LARGE1: variants seen among roughly 807,000 people sequenced by gnomAD.
LARGE1 encodes xylosyl- and glucuronyltransferase LARGE1.
LARGE1 carries 43 observed loss-of-function variants against 87.6 expected under a neutral mutation model. That is an observed-to-expected ratio of 0.49 (90% CI 0.38 to 0.63). The LOEUF is 0.63. Ranked by LOEUF, LARGE1 falls within the 30% of genes least tolerant of loss-of-function variation. The pLI, the probability that LARGE1 is intolerant of heterozygous loss-of-function variation, is 0.00. For synonymous variants in LARGE1, 434 were observed against 394.6 expected (o/e 1.10, Z -1.18); for missense variants, 802 against 1,000.2 (o/e 0.80, Z 2.67).
chr22:33,111,589 A>C, the LARGE1 span, among the ~76,000 whole-genome samples: 1 of 152,110 alleles, frequency 6.6e-6, no homozygotes, highest in East Asian at 1.9e-4. Context: ...GTCCAGACTC[A>C]TTTATCTACT....
intron 1 of LARGE1, among the ~76,000 whole-genome samples, chr22:33,774,239 G>C (rs964437056): frequency 7.4e-6 from 1 of 135,738 alleles, no homozygotes; most frequent in African/African-American, 2.6e-5. Flanking sequence ...CTCTCATGAA[G>C]AATCAATAGG....
chr22:33,436,371 T>C (rs1044706466), intron 6 of LARGE1, among the ~76,000 whole-genome samples: 1 of 152,204 alleles, frequency 6.6e-6, no homozygotes, highest in Non-Finnish European at 1.5e-5. Context: ...TTGGAGGTCA[T>C]CCAGCACAAC....
chr22:33,636,733 T>C (rs1322572414), intron 3 of LARGE1, among the ~76,000 whole-genome samples: 1 of 151,764 alleles, frequency 6.6e-6, no homozygotes, highest in Non-Finnish European at 1.5e-5. Context: ...GGTCTCGCTA[T>C]GTTGCCCAGG....
chr22:33,078,799 G>A, the LARGE1 span, among the ~76,000 whole-genome samples: 4 of 152,308 alleles, frequency 2.6e-5, no homozygotes, highest in South Asian at 8.3e-4. Context: ...TTGTAATAAA[G>A]GCACAGAGGG....
chr22:33,487,783 T>C (rs1320846589), intron 6 of LARGE1, among the ~76,000 whole-genome samples: 1 of 152,184 alleles, frequency 6.6e-6, no homozygotes, highest in Non-Finnish European at 1.5e-5. Context: ...GTTCTGCTGC[T>C]CACTGACGGC....
At chr22:33,333,030 G>A (rs1427419095) in intron 10 of LARGE1, among the ~76,000 whole-genome samples, 2 of 116,856 alleles carry the variant, frequency 1.7e-5, no homozygotes, top group Admixed American at 1.5e-4. Flanking sequence ...TTTTTTGGAC[G>A]GAGTCTCACT....
chr22:33,682,671 C>T (rs545130845), intron 2 of LARGE1, among the ~76,000 whole-genome samples: 4 of 152,324 alleles, frequency 2.6e-5, no homozygotes, highest in African/African-American at 9.6e-5. Flanking sequence ...AAATCAGGAA[C>T]CATGAATCTT....
At chr22:33,120,390 CTTTCTTTCTTTCTTTCTTTCCTT>C in the LARGE1 span, among the ~76,000 whole-genome samples, 2 of 94,588 alleles carry the variant, frequency 2.1e-5, no homozygotes, top group African/African-American at 1.3e-4. Context: ...TTCTTTCTTT[CTTTCTTTCTTTCTTTCTTTCCTT>C]CTTTCTTTCT....
chr22:33,642,173 C>T (rs1199239443), intron 3 of LARGE1, among the ~76,000 whole-genome samples: 1 of 152,192 alleles, frequency 6.6e-6, no homozygotes, highest in African/African-American at 2.4e-5. Context: ...ATCACACTAA[C>T]AGCAGATCAA....
intron 1 of LARGE1, among the ~76,000 whole-genome samples, chr22:33,772,030 C>A (rs1006722287): frequency 6.6e-6 from 1 of 152,152 alleles, no homozygotes; most frequent in Non-Finnish European, 1.5e-5. Context: ...CATTCAAACT[C>A]CACTTGAAAT....
At chr22:33,197,394 A>AAATAAATTATAAAATAATTTGT (rs1924136531) in intron 11 of LARGE1, among the ~76,000 whole-genome samples, 1 of 152,020 alleles carries the variant, frequency 6.6e-6, no homozygotes, top group Non-Finnish European at 1.5e-5. Context: ...TATAAAATTC[A>AAATAAATTATAAAATAATTTGT]AATAAATTAT....
intron 2 of LARGE1, among the ~76,000 whole-genome samples, chr22:33,752,912 G>C (rs965460829): frequency 6.6e-6 from 1 of 152,164 alleles, no homozygotes; most frequent in Non-Finnish European, 1.5e-5. Context: ...GGATTTTCTG[G>C]GTAGGCTCAA....
At chr22:33,394,389 G>A (rs1164776894) in intron 7 of LARGE1, among the ~76,000 whole-genome samples, 2 of 151,936 alleles carry the variant, frequency 1.3e-5, no homozygotes, top group African/African-American at 2.4e-5. Context: ...TAGTAGAGAC[G>A]GGGTTTCACC....
intron 2 of LARGE1, among the ~76,000 whole-genome samples, chr22:33,713,982 G>GTAACGTAACGTAACGTAACA (rs1556008353): frequency 2.4e-5 from 3 of 126,150 alleles, no homozygotes; most frequent in Non-Finnish European, 5.1e-5. Context: ...GTAACATAAC[G>GTAACGTAACGTAACGTAACA]TAACATAACA....
At chr22:33,295,062 G>C (rs1000082236) in intron 12 of LARGE1, among the ~76,000 whole-genome samples, 1 of 152,184 alleles carries the variant, frequency 6.6e-6, no homozygotes, top group Non-Finnish European at 1.5e-5. Context: ...CACAGCACCT[G>C]CCACGAGACA....
intron 2 of LARGE1, among the ~76,000 whole-genome samples, chr22:33,660,494 A>T (rs2081092258): frequency 6.6e-6 from 1 of 152,228 alleles, no homozygotes; most frequent in Non-Finnish European, 1.5e-5. Flanking sequence ...CATTCCAGTC[A>T]TCTTTGAAGA....
the LARGE1 span, among the ~76,000 whole-genome samples, chr22:33,102,827 C>T: frequency 6.6e-6 from 1 of 152,146 alleles, no homozygotes; most frequent in Non-Finnish European, 1.5e-5. Flanking sequence ...ACTCCCGGCC[C>T]TTTCCACACC....
In LARGE1 at chr22:33,326,784, C is replaced by T. The variant is rs144556536; in HGVS notation, c.1288-10536G>A. On this transcript the variant is annotated intron_variant, in intron 10 of 14. Coordinates refer to ENST00000397394, the MANE Select transcript of LARGE1 (RefSeq NM_133642.5). ...CTGGCAAGTGCAGAGAGATGACAAC[C>T]AGTGCCTAGAGGGGTCAAACAGGGC... 8.5e-3 allele frequency among the ~76,000 whole-genome samples: 1,301 copies of T among 152,278 alleles called. 16 individuals carry two copies. The highest frequency in any genetic ancestry group is 0.03 in the African/African-American group (1,226 of 41,552).
At chr22:33,517,741 T>A (rs75228409) in intron 6 of LARGE1, among the ~76,000 whole-genome samples, 6,141 of 152,210 alleles carry the variant, frequency 0.04, 212 homozygotes, top group African/African-American at 0.094. Context: ...AGTCTGAGAA[T>A]CCCTGGAATC....
Sources: allele counts gnomAD v4.1 joint callset (sites outside exome capture counted in the v4.1 genomes callset), GRCh38; gene constraint gnomAD v4.1.1; transcripts MANE v1.5; gene names NCBI Gene and HGNC (gene_info 2026-07-23, HGNC 2026-07-21).